SYT16: variants seen among roughly 807,000 people sequenced by gnomAD.
SYT16 encodes the protein synaptotagmin-16.
Under a neutral mutation model 61.4 loss-of-function variants are expected in SYT16, and 42 were observed. The observed-to-expected ratio is 0.68, with a 90% CI of 0.53 to 0.89. The LOEUF is 0.89. SYT16 is among the 40% of genes least tolerant of loss of function. SYT16 has a pLI of 0.00. For synonymous variants in SYT16, 314 were observed against 302.3 expected (o/e 1.04, Z -0.40); for missense variants, 804 against 807.3 (o/e 1.00, Z 0.05).
At chr14:61,962,075 A>T (rs2051137292) in intron 1 of SYT16, among the ~76,000 whole-genome samples, 1 of 152,144 alleles carries the variant, frequency 6.6e-6, no homozygotes, top group South Asian at 2.1e-4. Context: ...TTGAGAGCAC[A>T]GGGACACAAA....
intron 1 of SYT16, among the ~76,000 whole-genome samples, chr14:61,943,513 A>AC (rs2050293057): frequency 6.6e-6 from 1 of 152,218 alleles, no homozygotes; most frequent in Non-Finnish European, 1.5e-5. Flanking sequence ...ATCCAGCAGC[A>AC]CATCAAAAAG....
At chr14:62,016,448 C>A (rs1474099967) in intron 3 of SYT16, among the ~76,000 whole-genome samples, 1 of 150,320 alleles carries the variant, frequency 6.7e-6, no homozygotes, top group Non-Finnish European at 1.5e-5. Context: ...AATCCCAGCA[C>A]TTTGGGAGGC....
intron 1 of SYT16, among the ~76,000 whole-genome samples, chr14:61,890,741 A>G (rs1356628821): frequency 2.0e-5 from 3 of 152,150 alleles, no homozygotes; most frequent in Admixed American, 6.5e-5. Context: ...AGCTAAGGAA[A>G]ACCAAGCCTC....
At position 61,870,457 on chromosome 14, in the gene SYT16, T is replaced by C. The variant is rs142477078; in HGVS notation, c.-325+57647T>C. 1.6e-4 allele frequency among the ~76,000 whole-genome samples: 24 copies of C among 152,256 alleles called. No individual in the cohort carries two copies. In the East Asian group the frequency reaches 4.2e-3, roughly 27 times the overall value. ...GATGATGTACTTTAGTTTGGTGTTC[T>C]TATTGTTTCTGCTTGGGGTTTACCA... On this transcript the variant is annotated intron_variant, in intron 1 of 7. Coordinates refer to ENST00000683842, the MANE Select transcript of SYT16 (RefSeq NM_001367656.1).
At chr14:61,990,423 G>A (rs1420682642) in intron 2 of SYT16, among the ~76,000 whole-genome samples, 1 of 152,168 alleles carries the variant, frequency 6.6e-6, no homozygotes, top group African/African-American at 2.4e-5. Flanking sequence ...TGAAGAATGA[G>A]AAGAGTATAT....
At chr14:61,869,082 A>G (rs768851388) in intron 1 of SYT16, among the ~76,000 whole-genome samples, 4 of 152,112 alleles carry the variant, frequency 2.6e-5, no homozygotes, top group Admixed American at 6.5e-5. Context: ...TAACCTTAGT[A>G]TAGCCACTCA....
upstream of SYT16, chr14:61,812,575 CG>C (rs1342691474): frequency 2.7e-5 from 4 of 150,340 alleles, no homozygotes; most frequent in Non-Finnish European, 4.5e-5. Flanking sequence ...CCGTTCTGCC[CG>C]GGAGGCTGGG....
At chr14:62,033,361 T>C (rs1260034780) in intron 3 of SYT16, among the ~76,000 whole-genome samples, 1 of 152,114 alleles carries the variant, frequency 6.6e-6, no homozygotes, top group Admixed American at 6.6e-5. Flanking sequence ...AGGGATATCT[T>C]TCCTCCCCGG....
chr14:61,819,132 A>G (rs890369641), intron 1 of SYT16, among the ~76,000 whole-genome samples: 5 of 152,190 alleles, frequency 3.3e-5, no homozygotes, highest in Admixed American at 6.5e-5. Context: ...AATTTGGTCT[A>G]TATGTTTTAT....
chr14:61,868,617 A>G (rs1205227891), intron 1 of SYT16, among the ~76,000 whole-genome samples: 1 of 151,974 alleles, frequency 6.6e-6, no homozygotes, highest in Non-Finnish European at 1.5e-5. Context: ...GGAACTGTCT[A>G]GAAACCTTTT....
chr14:62,006,949 G>A (rs538681500), intron 3 of SYT16, among the ~76,000 whole-genome samples: 6 of 152,190 alleles, frequency 3.9e-5, no homozygotes, highest in South Asian at 2.1e-4. Flanking sequence ...ATCTCGGAAC[G>A]TACTTAAAAT....
intron 1 of SYT16, among the ~76,000 whole-genome samples, chr14:61,928,812 G>A (rs1031977583): frequency 6.6e-6 from 1 of 152,184 alleles, no homozygotes; most frequent in Non-Finnish European, 1.5e-5. Context: ...ATAACACACA[G>A]CTTGTTCTCA....
At chr14:61,913,411 C>T (rs984174451) in intron 1 of SYT16, among the ~76,000 whole-genome samples, 4 of 151,642 alleles carry the variant, frequency 2.6e-5, no homozygotes, top group Admixed American at 6.6e-5. Context: ...GGTGGCTGAC[C>T]AAAAAATTAA....
At chr14:61,832,392 C>T (rs966739480) in intron 1 of SYT16, 2 of 533,818 alleles carry the variant, frequency 3.7e-6, no homozygotes, top group Non-Finnish European at 7.5e-6. Context: ...GCCCCACCAC[C>T]GCCGCCCTCT....
intron 1 of SYT16, among the ~76,000 whole-genome samples, chr14:61,928,268 T>G (rs1399221323): frequency 6.6e-6 from 1 of 152,144 alleles, no homozygotes; most frequent in Non-Finnish European, 1.5e-5. Context: ...GGAATTGATT[T>G]GCTTTGTCCT....
chr14:61,958,158 G>C (rs1236868417), intron 1 of SYT16, among the ~76,000 whole-genome samples: 1 of 151,074 alleles, frequency 6.6e-6, no homozygotes, highest in Non-Finnish European at 1.5e-5. Flanking sequence ...TTCTGATTTT[G>C]AGTTCCCTTT....
chr14:61,888,125 CTTTTTTTT>C (rs756842240), intron 1 of SYT16, among the ~76,000 whole-genome samples: 1 of 134,198 alleles, frequency 7.5e-6, no homozygotes, highest in African/African-American at 2.8e-5. Flanking sequence ...CTTTTCTTTT[CTTTTTTTT>C]TTTTTTTTTG....
intron 1 of SYT16, among the ~76,000 whole-genome samples, chr14:61,822,494 A>G (rs1053148211): frequency 6.6e-6 from 1 of 152,238 alleles, no homozygotes; most frequent in Non-Finnish European, 1.5e-5. Flanking sequence ...AATCCAGTCA[A>G]GTTGACACCT....
At chr14:62,067,679 AT>A (rs1334107992) in intron 3 of SYT16, among the ~76,000 whole-genome samples, 1 of 152,222 alleles carries the variant, frequency 6.6e-6, no homozygotes, top group Non-Finnish European at 1.5e-5. Context: ...GGCAGCTGTT[AT>A]GGAAAACAGT....
Sources: allele counts gnomAD v4.1 joint callset (sites outside exome capture counted in the v4.1 genomes callset), GRCh38; gene constraint gnomAD v4.1.1; transcripts MANE v1.5; gene names NCBI Gene and HGNC (gene_info 2026-07-23, HGNC 2026-07-21).